TLN2: variants seen among roughly 807,000 people sequenced by gnomAD.
TLN2 encodes the protein talin-2.
Under a neutral mutation model 294.7 loss-of-function variants are expected in TLN2, and 118 were observed. The observed-to-expected ratio is 0.40, with a 90% CI of 0.34 to 0.47. The LOEUF is 0.47. Among genes scored for constraint, TLN2 ranks in the 20% least tolerant of loss-of-function variants. The probability of loss-of-function intolerance (pLI) is 0.84; values close to 1 mark genes in which losing one functional copy is unlikely to be tolerated. For synonymous variants in TLN2, 1,431 were observed against 1,304.5 expected (o/e 1.10, Z -2.09); for missense variants, 3,083 against 3,282.2 (o/e 0.94, Z 1.48).
At chr15:62,394,622 A>G (rs2032375727) in intron 1 of TLN2, among the ~76,000 whole-genome samples, 1 of 152,212 alleles carries the variant, frequency 6.6e-6, no homozygotes, top group Non-Finnish European at 1.5e-5. Flanking sequence ...CTAAAGTTCA[A>G]AGAGTTAGGG....
chr15:62,824,702 CAT>C (rs57982260), intron 54 of TLN2, among the ~76,000 whole-genome samples: 13,000 of 152,214 alleles, frequency 0.085, 629 homozygotes, highest in South Asian at 0.14. Context: ...AAAGTAATAT[CAT>C]AGCCTAATTG....
chr15:62,577,720 C>T (rs1268991648), intron 1 of TLN2, among the ~76,000 whole-genome samples: 1 of 151,978 alleles, frequency 6.6e-6, no homozygotes, highest in African/African-American at 2.4e-5. Context: ...ATACTTTAAG[C>T]TCTAGGGTAC....
intron 1 of TLN2, among the ~76,000 whole-genome samples, chr15:62,495,756 G>C (rs148906709): frequency 6.6e-6 from 1 of 152,124 alleles, no homozygotes; most frequent in Non-Finnish European, 1.5e-5. Flanking sequence ...GTGTGTAAAA[G>C]CCCTAAAGGG....
At chr15:62,535,854 G>T (rs1021624949) in intron 1 of TLN2, among the ~76,000 whole-genome samples, 1 of 152,160 alleles carries the variant, frequency 6.6e-6, no homozygotes, top group African/African-American at 2.4e-5. Context: ...TACCTGGCCA[G>T]TATGTTTTAA....
In TLN2 at chr15:62,708,653, G is replaced by A. The variant is rs1253897438; in HGVS notation, c.2324G>A (p.Ser775Asn). The change falls in exon 21 of 59, where the codon AGC becomes AAC. Residue 775 changes from serine to asparagine, a missense_variant. Coordinates refer to ENST00000636159, the MANE Select transcript of TLN2 (RefSeq NM_015059.3). ...ELLKQVSAAA[S>N]VVSQALHDLL... ...CTGAAGCAGGTCAGCGCAGCGGCCAGCGTGGTCAGCCAGGCCCTCCATGAT... is the reference window on the plus strand; with the variant it reads ...CTGAAGCAGGTCAGCGCAGCGGCCAACGTGGTCAGCCAGGCCCTCCATGAT... 1.9e-6 allele frequency: 3 copies of A among 1,614,104 alleles called. No individual in the cohort carries two copies. The African/African-American group carries it at 4.0e-5, about 22-fold the overall frequency.
chr15:62,415,153 C>T (rs1200139862), intron 1 of TLN2, among the ~76,000 whole-genome samples: 1 of 141,136 alleles, frequency 7.1e-6, no homozygotes, highest in Non-Finnish European at 1.5e-5. Flanking sequence ...AGGTGATCTG[C>T]CCACCTCAGT....
At chr15:62,716,941 T>G (rs946768454) in intron 23 of TLN2, among the ~76,000 whole-genome samples, 1 of 13,868 alleles carries the variant, frequency 7.2e-5, no homozygotes, top group Admixed American at 3.6e-3. Context: ...AAAACTATGT[T>G]TTTTTTTTTT....
At chr15:62,836,276 T>A (rs556615522) in intron 57 of TLN2, among the ~76,000 whole-genome samples, 2 of 152,380 alleles carry the variant, frequency 1.3e-5, no homozygotes, top group South Asian at 4.1e-4. Flanking sequence ...GTGTGCCTTC[T>A]GGTCTCATGC....
rs375927109 is a variant in TLN2 at position 62,398,877 on chromosome 15, C to G, written c.-238+8192C>G. The stretch of plus-strand genomic sequence containing the variant: ...CTCATTTTCTGGGGAGAATTTCAAG[C>G]CAGCTGCAGAAATTTGCATAAGTAA... On this transcript the variant is annotated intron_variant, in intron 1 of 58. Coordinates refer to ENST00000636159, the MANE Select transcript of TLN2 (RefSeq NM_015059.3). Among the ~76,000 whole-genome samples the G allele has an allele frequency of 4.0e-4, 61 of 152,232 alleles. 1 individual carries two copies. Among genetic ancestry groups the G allele is most frequent in the Middle Eastern group, 3.4e-3 (1 of 294 alleles).
At chr15:62,506,770 C>G (rs1280971152) in intron 1 of TLN2, among the ~76,000 whole-genome samples, 1 of 152,178 alleles carries the variant, frequency 6.6e-6, no homozygotes, top group Non-Finnish European at 1.5e-5. Context: ...ACAGCTGATT[C>G]CACTCTTGTT....
intron 35 of TLN2, among the ~76,000 whole-genome samples, chr15:62,752,910 A>G (rs1406776635): frequency 6.6e-6 from 1 of 152,126 alleles, no homozygotes; most frequent in East Asian, 1.9e-4. Context: ...TTGACCTCCC[A>G]TGACAGAAGC....
At chr15:62,615,332 A>G (rs931147156) in intron 2 of TLN2, among the ~76,000 whole-genome samples, 17 of 152,226 alleles carry the variant, frequency 1.1e-4, no homozygotes, top group African/African-American at 3.9e-4. Context: ...TCTTTGGCCC[A>G]TAGCATATTT....
rs574911550 is a variant in TLN2 at position 62,511,600 on chromosome 15, AC to A, written c.-237-78082del. ...CTGGGGGAGTCTCCCTCCCCACCCC[AC>A]CCCCAGCGTGAGAAGCGGAGTCCTT... On this transcript the variant is annotated intron_variant, in intron 1 of 58. Coordinates refer to ENST00000636159, the MANE Select transcript of TLN2 (RefSeq NM_015059.3). 2.9e-3 allele frequency among the ~76,000 whole-genome samples: 374 copies of A among 127,050 alleles called. 1 individual carries two copies. The highest frequency in any genetic ancestry group is 0.01 in the African/African-American group (360 of 34,498). 83.3% of individuals were successfully genotyped at this position (127,050 alleles called of 152,430 possible).
At chr15:62,459,946 A>C (rs1312141037) in intron 1 of TLN2, among the ~76,000 whole-genome samples, 1 of 152,184 alleles carries the variant, frequency 6.6e-6, no homozygotes, top group Non-Finnish European at 1.5e-5. Context: ...TTTAAAAGGA[A>C]GAAATTACTA....
intron 1 of TLN2, among the ~76,000 whole-genome samples, chr15:62,563,716 T>G (rs1450890911): frequency 6.6e-6 from 1 of 152,240 alleles, no homozygotes; most frequent in Non-Finnish European, 1.5e-5. Context: ...ACTTTGCACA[T>G]GCTGGGCCTT....
chr15:62,590,110 G>A (rs1345327522), intron 2 of TLN2, among the ~76,000 whole-genome samples: 1 of 152,126 alleles, frequency 6.6e-6, no homozygotes, highest in African/African-American at 2.4e-5. Flanking sequence ...TGTGACGTGA[G>A]GGGGTAAGTG....
intron 33 of TLN2, among the ~76,000 whole-genome samples, chr15:62,750,141 C>A (rs1295063164): frequency 1.3e-5 from 2 of 152,166 alleles, no homozygotes; most frequent in African/African-American, 2.4e-5. Flanking sequence ...TACCTTGTTT[C>A]TTCTCCTTCA....
intron 30 of TLN2, 52 bp from the exon 31 acceptor site, chr15:62,739,296 C>T: frequency 6.4e-7 from 1 of 1,556,842 alleles, no homozygotes; most frequent in Non-Finnish European, 8.7e-7. Flanking sequence ...TCCTTTTATC[C>T]CTCCCCTGCA....
rs960763162 is a variant in TLN2 at position 62,560,644 on chromosome 15, G to A, written c.-237-29043G>A. Among the ~76,000 whole-genome samples the A allele has an allele frequency of 5.9e-5, 9 of 152,194 alleles. No individual in the cohort carries two copies. In the East Asian group the frequency reaches 1.7e-3, roughly 29 times the overall value. On this transcript the variant is annotated intron_variant, in intron 1 of 58. Transcript: ENST00000636159. ...CCTGGCCAATACCCCATGTTTTGAT[G>A]TGAAATTTTTCTGTGCCTCCTGTCT...
Sources: allele counts gnomAD v4.1 joint callset (sites outside exome capture counted in the v4.1 genomes callset), GRCh38; gene constraint gnomAD v4.1.1; transcripts MANE v1.5; gene names NCBI Gene and HGNC (gene_info 2026-07-23, HGNC 2026-07-21).